Variants in ADCY2 observed in about 807,000 individuals in gnomAD.
ADCY2 encodes adenylate cyclase type 2.
ADCY2 carries 31 observed loss-of-function variants against 125.2 expected under a neutral mutation model. The ratio of observed to expected loss-of-function variants is 0.25; its 90% CI spans 0.19 to 0.33. The LOEUF is 0.33. Among genes scored for constraint, ADCY2 ranks in the 10% least tolerant of loss-of-function variants. The pLI is 1.00. For synonymous variants in ADCY2, 512 were observed against 548.4 expected (o/e 0.93, Z 0.93); for missense variants, 904 against 1,418.2 (o/e 0.64, Z 5.82).
Position 7,515,248 on chromosome 5 carries a change from G to A in ADCY2, c.409-5490G>A, listed in dbSNP as rs1326175140. Among the ~76,000 whole-genome samples, 6 of 152,344 alleles carry A rather than the reference G, an allele frequency of 3.9e-5. No individual in the cohort carries two copies. The South Asian group carries it at 1.2e-3, about 32-fold the overall frequency. ...CCAGAAAGAAGATGAGCTTGAGCTT[G>A]GCTCCACAAAAGAGCTTTCTTCATG... On this transcript the variant is annotated intron_variant, in intron 2 of 24. Coordinates refer to ENST00000338316, the MANE Select transcript of ADCY2 (RefSeq NM_020546.3).
chr5:7,504,540 ACT>A (rs1297910181), intron 2 of ADCY2, among the ~76,000 whole-genome samples: 1 of 151,976 alleles, frequency 6.6e-6, no homozygotes, highest in East Asian at 1.9e-4. Context: ...TAAAATTAAC[ACT>A]GTTCAGCAAG....
At chr5:7,690,936 TG>T in intron 5 of ADCY2, 97 bp downstream of exon 5, 3 of 1,320,930 alleles carry the variant, frequency 2.3e-6, no homozygotes, top group Non-Finnish European at 3.0e-6. Flanking sequence ...ATCTCTCCTT[TG>T]TGACAGTGGA....
chr5:7,521,336 T>G (rs973124314), intron 3 of ADCY2, among the ~76,000 whole-genome samples: 51 of 152,302 alleles, frequency 3.3e-4, no homozygotes, highest in African/African-American at 1.2e-3. Flanking sequence ...TATTTTAAAA[T>G]TTTCTATCAG....
intron 2 of ADCY2, among the ~76,000 whole-genome samples, chr5:7,503,202 T>A (rs2126507072): frequency 6.6e-6 from 1 of 152,314 alleles, no homozygotes. Context: ...AGAGTATTTG[T>A]TCCTTGATTT....
intron 1 of ADCY2, among the ~76,000 whole-genome samples, chr5:7,412,523 C>T (rs1739764625): frequency 6.6e-6 from 1 of 152,160 alleles, no homozygotes; most frequent in South Asian, 2.1e-4. Flanking sequence ...GTGCTCGCAG[C>T]CTGGCAGACA....
At chr5:7,507,669 T>A (rs1490282329) in intron 2 of ADCY2, among the ~76,000 whole-genome samples, 3 of 152,174 alleles carry the variant, frequency 2.0e-5, no homozygotes, top group Admixed American at 6.5e-5. Context: ...AGAAAGGTAA[T>A]TTTTAAGGAA....
intron 2 of ADCY2, among the ~76,000 whole-genome samples, chr5:7,465,096 A>G (rs1050131471): frequency 6.6e-6 from 1 of 152,146 alleles, no homozygotes; most frequent in Non-Finnish European, 1.5e-5. Context: ...TGGGGGAACC[A>G]CCCCCATGAT....
intron 3 of ADCY2, among the ~76,000 whole-genome samples, chr5:7,539,939 A>C (rs537134215): frequency 5.9e-5 from 9 of 152,370 alleles, no homozygotes; most frequent in African/African-American, 2.2e-4. Flanking sequence ...TGCTGTTAAA[A>C]TTATGTTACT....
chr5:7,497,836 A>T (rs1743395217), intron 2 of ADCY2, among the ~76,000 whole-genome samples: 2 of 152,190 alleles, frequency 1.3e-5, no homozygotes, highest in Non-Finnish European at 2.9e-5. Context: ...ACCAGTCGGT[A>T]GACAACACTT....
At chr5:7,643,640 T>C (rs1411356344) in intron 4 of ADCY2, among the ~76,000 whole-genome samples, 1 of 152,050 alleles carries the variant, frequency 6.6e-6, no homozygotes, top group East Asian at 1.9e-4. Context: ...AACATTTATC[T>C]TTTAATCCAT....
At chr5:7,812,753 C>T (rs2126533214) in intron 22 of ADCY2, among the ~76,000 whole-genome samples, 1 of 152,156 alleles carries the variant, frequency 6.6e-6, no homozygotes, top group African/African-American at 2.4e-5. Flanking sequence ...ACTAAAAATA[C>T]AAAAAATTAA....
intron 11 of ADCY2, among the ~76,000 whole-genome samples, chr5:7,713,183 G>A (rs1170131075): frequency 6.6e-6 from 1 of 151,948 alleles, no homozygotes; most frequent in African/African-American, 2.4e-5. Flanking sequence ...AAAAAAAAAA[G>A]TGAATTGTCT....
intron 15 of ADCY2, among the ~76,000 whole-genome samples, chr5:7,747,734 G>A (rs4377681): frequency 0.46 from 69,613 of 152,086 alleles, 17,012 homozygotes; most frequent in East Asian, 0.95. Flanking sequence ...TCTCATGCTG[G>A]CTGGCCGGGA....
chr5:7,721,350 C>CTG lies in ADCY2; in HGVS notation c.1704-3193_1704-3192dup, dbSNP rs780997060. On this transcript the variant is annotated intron_variant, in intron 12 of 24. Transcript: ENST00000338316. Reference sequence around the variant, plus strand: ...AATTTTCTCCCATTCTGTAGGTTGCCTGTTCACTCTGATGGTAGTTTCTTT... The same window carrying CTG: ...AATTTTCTCCCATTCTGTAGGTTGCCTGTGTTCACTCTGATGGTAGTTTCTTT... Among the ~76,000 whole-genome samples, 4 of 152,268 alleles carry CTG rather than the reference C, an allele frequency of 2.6e-5. No individual in the cohort carries two copies. In the East Asian group the frequency reaches 7.7e-4, roughly 29 times the overall value.
At chr5:7,745,335 T>C (rs1034037062) in intron 15 of ADCY2, among the ~76,000 whole-genome samples, 1 of 152,208 alleles carries the variant, frequency 6.6e-6, no homozygotes, top group African/African-American at 2.4e-5. Flanking sequence ...TTTGCAAACT[T>C]GTGTGGATTT....
At chr5:7,703,449 C>A (rs1485901676) in intron 7 of ADCY2, among the ~76,000 whole-genome samples, 2 of 151,736 alleles carry the variant, frequency 1.3e-5, no homozygotes, top group African/African-American at 4.8e-5. Context: ...ATATAGCTAG[C>A]CAGTTTTCCC....
intron 6 of ADCY2, among the ~76,000 whole-genome samples, chr5:7,697,449 T>C (rs1389537849): frequency 6.6e-6 from 1 of 152,144 alleles, no homozygotes; most frequent in African/African-American, 2.4e-5. Flanking sequence ...CTGAGTACTA[T>C]GTAAAGCACA....
intron 20 of ADCY2, among the ~76,000 whole-genome samples, chr5:7,792,866 G>A (rs1045923428): frequency 1.3e-5 from 2 of 152,220 alleles, no homozygotes; most frequent in African/African-American, 4.8e-5. Context: ...AGTTGCTGGA[G>A]GCAGGCTGAG....
chr5:7,673,370 G>A (rs1354647888), intron 4 of ADCY2, among the ~76,000 whole-genome samples: 1 of 145,996 alleles, frequency 6.8e-6, no homozygotes, highest in Non-Finnish European at 1.5e-5. Flanking sequence ...GCTCGGAGGT[G>A]GAGGTTGCAG....
Sources: allele counts gnomAD v4.1 joint callset (sites outside exome capture counted in the v4.1 genomes callset), GRCh38; gene constraint gnomAD v4.1.1; transcripts MANE v1.5; gene names NCBI Gene and HGNC (gene_info 2026-07-23, HGNC 2026-07-21).